BZW2: variants seen among roughly 807,000 people sequenced by gnomAD.
The protein encoded by BZW2 is basic leucine zipper and W2 domains 2.
In BZW2, 23 loss-of-function variants were observed where a neutral mutation model predicts 53.2. That is an observed-to-expected ratio of 0.43 (90% CI 0.31 to 0.61). The LOEUF is 0.61. Ranked by LOEUF, BZW2 falls within the 20% of genes least tolerant of loss-of-function variation. The probability of loss-of-function intolerance (pLI) is 0.09; values close to 1 mark genes in which losing one functional copy is unlikely to be tolerated. For synonymous variants in BZW2, 227 were observed against 186.4 expected, an observed-to-expected ratio of 1.22 and a Z score of -1.77; for missense variants, 409 against 503.1, an observed-to-expected ratio of 0.81 and a Z score of 1.79.
At chr7:16,662,322 T>C (rs1285934167) in intron 1 of BZW2, 2 of 152,180 alleles carry the variant, frequency 1.3e-5, no homozygotes, top group Non-Finnish European at 2.9e-5. Flanking sequence ...TTTTTATGTT[T>C]ACATGTTATC....
At chr7:16,699,726 C>T (rs561039667) in intron 10 of BZW2, among the ~76,000 whole-genome samples, 9 of 152,158 alleles carry the variant, frequency 5.9e-5, no homozygotes, top group African/African-American at 2.2e-4. Flanking sequence ...CGGGAAATGA[C>T]ATCTAGGTGG....
chr7:16,704,617 T>G lies in BZW2; in HGVS notation c.1179T>G (p.Val393=), dbSNP rs201626624. 14 of 1,595,160 alleles carry G rather than the reference T, an allele frequency of 8.8e-6. No homozygotes were observed. The East Asian group carries it at 3.1e-4, about 36-fold the overall frequency. The change falls in exon 11 of 12, where the codon GTT becomes GTG. Residue 393 remains valine (V), a synonymous_variant. Transcript: ENST00000258761. The part of the protein sequence containing the change: ...KEAHVAKGKS[V]FLDQMKKFVE... ...CACATGTTGCTAAAGGCAAAAGTGT[T>G]TTTCTTGACCAGATGAAGAAATTTG...
At chr7:16,657,753 G>C (rs1405152636) in intron 1 of BZW2, among the ~76,000 whole-genome samples, 4 of 151,912 alleles carry the variant, frequency 2.6e-5, no homozygotes, top group Non-Finnish European at 4.4e-5. Flanking sequence ...TATGTGCTTA[G>C]TTGCCACTGG....
chr7:16,699,325 A>G (rs368085251), intron 10 of BZW2, among the ~76,000 whole-genome samples: 2 of 152,174 alleles, frequency 1.3e-5, no homozygotes, highest in East Asian at 1.9e-4. Flanking sequence ...CCACCCAATG[A>G]TACCCAAAGT....
chr7:16,664,487 C>T (rs1044926684), intron 1 of BZW2, among the ~76,000 whole-genome samples: 2 of 152,156 alleles, frequency 1.3e-5, no homozygotes, highest in African/African-American at 4.8e-5. Flanking sequence ...GGAACAGAGC[C>T]TCAGAAGCCA....
chr7:16,651,560 G>A (rs999004354), intron 1 of BZW2, among the ~76,000 whole-genome samples: 3 of 152,280 alleles, frequency 2.0e-5, no homozygotes, highest in Admixed American at 6.5e-5. Flanking sequence ...CCTAGTTGTC[G>A]GTGCAGAGGA....
intron 3 of BZW2, among the ~76,000 whole-genome samples, chr7:16,677,553 G>A (rs1305741278): frequency 2.0e-5 from 3 of 152,206 alleles, no homozygotes; most frequent in Non-Finnish European, 2.9e-5. Context: ...GCATGGGCTA[G>A]CAGGCCGGTC....
intron 2 of BZW2, among the ~76,000 whole-genome samples, chr7:16,672,663 G>A (rs1782639808): frequency 6.6e-6 from 1 of 152,128 alleles, no homozygotes; most frequent in African/African-American, 2.4e-5. Context: ...TTGAACTACA[G>A]ACCCTTTACC....
Position 16,706,050 on chromosome 7 carries a change from T to C in BZW2, c.1232-10T>C, listed in dbSNP as rs1242660123. ...GGGAGGAAATATCTCACTTCTTTCT[T>C]CTCTCCTAGAATCCGAATCGGAAGG... On this transcript the variant is annotated splice_polypyrimidine_tract_variant and intron_variant, in intron 11 of 11. Transcript: ENST00000258761. 44 of 1,613,610 alleles carry C rather than the reference T, an allele frequency of 2.7e-5. No individual in the cohort carries two copies. Among genetic ancestry groups the C allele is most frequent in the Non-Finnish European group, 3.6e-5 (42 of 1,179,832 alleles).
At chr7:16,662,470 T>C (rs184136306) in intron 1 of BZW2, among the ~76,000 whole-genome samples, 14 of 152,216 alleles carry the variant, frequency 9.2e-5, no homozygotes, top group Non-Finnish European at 1.5e-4. Flanking sequence ...AATTCTTTCA[T>C]ATGCTGTGTT....
chr7:16,656,596 C>CACACAG (rs887719180), intron 1 of BZW2, among the ~76,000 whole-genome samples: 3 of 140,116 alleles, frequency 2.1e-5, no homozygotes, highest in African/African-American at 7.7e-5. Flanking sequence ...CACACACACA[C>CACACAG]AAGTAGGTTT....
intron 11 of BZW2, among the ~76,000 whole-genome samples, chr7:16,705,808 T>C (rs1269521851): frequency 6.6e-6 from 1 of 150,550 alleles, no homozygotes; most frequent in Non-Finnish European, 1.5e-5. Flanking sequence ...TTAATATATA[T>C]AAAATGTATT....
At position 16,705,965 on chromosome 7, in the gene BZW2, G is replaced by T. The variant is rs560831948; in HGVS notation, c.1232-95G>T. On this transcript the variant is annotated intron_variant, in intron 11 of 11. Coordinates refer to ENST00000258761, the MANE Select transcript of BZW2 (RefSeq NM_014038.3). ...GTGCCTAGGGTAAAAGTATGCTGGTGCAATGGCAGGGTTCTGGGTTGGTGA... is the reference window on the plus strand; with the variant it reads ...GTGCCTAGGGTAAAAGTATGCTGGTTCAATGGCAGGGTTCTGGGTTGGTGA... 1.8e-4 allele frequency: 248 copies of T among 1,384,490 alleles called. 1 individual carries two copies. The African/African-American group carries it at 3.0e-3, about 17-fold the overall frequency. 85.8% of individuals were successfully genotyped at this position (1,384,490 alleles called of 1,614,324 possible). A position where few individuals can be genotyped will look rare whatever the true frequency, so the allele number is the denominator to read the frequency against.
intron 1 of BZW2, among the ~76,000 whole-genome samples, chr7:16,660,936 T>C (rs1385813536): frequency 7.2e-5 from 11 of 152,174 alleles, no homozygotes; most frequent in African/African-American, 2.7e-4. Flanking sequence ...GTCTGCATAT[T>C]GTCCATGGCT....
intron 10 of BZW2, among the ~76,000 whole-genome samples, chr7:16,700,298 C>T (rs775158409): frequency 2.0e-5 from 3 of 152,128 alleles, no homozygotes; most frequent in Non-Finnish European, 4.4e-5. Context: ...TCCATACCAC[C>T]GTTAAGAGCG....
intron 11 of BZW2, 139 bp from the exon 12 acceptor site, chr7:16,705,921 C>T (rs1024901123): frequency 2.2e-6 from 2 of 925,462 alleles, no homozygotes; most frequent in Non-Finnish European, 3.3e-6. Context: ...CCTCATGTGA[C>T]TATTTTACCT....
chr7:16,696,658 T>C (rs1454784767), intron 8 of BZW2, among the ~76,000 whole-genome samples: 3 of 152,190 alleles, frequency 2.0e-5, no homozygotes, highest in Admixed American at 2.0e-4. Context: ...ACAAAAATCC[T>C]CTCTTACTCC....
chr7:16,682,272 A>C (rs1426932535), intron 4 of BZW2, among the ~76,000 whole-genome samples: 1 of 152,218 alleles, frequency 6.6e-6, no homozygotes, highest in East Asian at 1.9e-4. Flanking sequence ...AATCTTACTA[A>C]TACAGTTGCA....
rs765120867 is a variant in BZW2 at position 16,674,603 on chromosome 7, A to T, written c.235+15A>T. The T allele has an allele frequency of 6.5e-7, 1 of 1,547,992 alleles. No homozygotes were observed. Among genetic ancestry groups the T allele is most frequent in the Non-Finnish European group, 8.7e-7 (1 of 1,145,864 alleles). On this transcript the variant is annotated intron_variant, in intron 3 of 11. Transcript: ENST00000258761. Reference sequence around the variant, plus strand: ...CAGTATGCTTGGTAAACCATGCATTATCGCTTCTTGTAGTATATTTATATA... The same window carrying T: ...CAGTATGCTTGGTAAACCATGCATTTTCGCTTCTTGTAGTATATTTATATA...
Sources: allele counts gnomAD v4.1 joint callset (sites outside exome capture counted in the v4.1 genomes callset), GRCh38; gene constraint gnomAD v4.1.1; transcripts MANE v1.5; gene names NCBI Gene and HGNC (gene_info 2026-07-23, HGNC 2026-07-21).